Variants in ANKH observed in about 807,000 individuals in gnomAD.
The protein encoded by ANKH is mineralization regulator ANKH.
A neutral mutation model predicts 49.0 loss-of-function variants in ANKH; 15 were observed. The ratio of observed to expected loss-of-function variants is 0.31; its 90% CI spans 0.20 to 0.47. The LOEUF is 0.47. Ranked by LOEUF, ANKH falls within the 20% of genes least tolerant of loss-of-function variation. The pLI is 1.00. For synonymous variants in ANKH, 273 were observed against 260.0 expected (o/e 1.05, Z -0.48); for missense variants, 429 against 652.0 (o/e 0.66, Z 3.72).
At chr5:14,778,815 T>C (rs1164317411) in intron 1 of ANKH, among the ~76,000 whole-genome samples, 1 of 149,070 alleles carries the variant, frequency 6.7e-6, no homozygotes, top group Non-Finnish European at 1.5e-5. Context: ...TAACGGTATT[T>C]GTAGAATTCT....
chr5:14,821,798 A>G (rs182980682), intron 1 of ANKH, among the ~76,000 whole-genome samples: 24 of 152,370 alleles, frequency 1.6e-4, no homozygotes, highest in African/African-American at 5.5e-4. Flanking sequence ...AATGAGCGAA[A>G]AAAAGGAATC....
intron 7 of ANKH, among the ~76,000 whole-genome samples, chr5:14,744,731 TGTG>T (rs1366396517): frequency 2.6e-5 from 4 of 152,172 alleles, no homozygotes; most frequent in Non-Finnish European, 5.9e-5. Context: ...GGCTGTAAGG[TGTG>T]GTGGGGGAGA....
In ANKH at chr5:14,758,558, G is replaced by A. The variant is rs1738977383; in HGVS notation, c.354C>T (p.His118=). Residue 118 remains histidine (H), a synonymous_variant, in exon 3 of 12, where the codon CAC becomes CAT. Coordinates refer to ENST00000284268, the MANE Select transcript of ANKH (RefSeq NM_054027.6). ...TGCTCCCCACCGACTCGTCCACATG[G>A]TGCAGTTTATTGATAATGTAGTATC... The part of the protein sequence containing the change: ...DLGYYIINKL[H]HVDESVGSKT... The A allele has an allele frequency of 1.2e-6, 2 of 1,614,132 alleles. No individual in the cohort carries two copies. The highest frequency in any genetic ancestry group is 1.7e-6 in the Non-Finnish European group (2 of 1,179,986).
intron 1 of ANKH, among the ~76,000 whole-genome samples, chr5:14,790,690 C>G (rs897540173): frequency 2.6e-5 from 4 of 152,236 alleles, no homozygotes; most frequent in Non-Finnish European, 4.4e-5. Flanking sequence ...TCACTGCAAC[C>G]TTCGCTTCCG....
In ANKH at chr5:14,734,712, GT is replaced by G. The variant is rs1580015044; in HGVS notation, c.1011+7114del. Among the ~76,000 whole-genome samples, 4 of 152,344 alleles carry G rather than the reference GT, an allele frequency of 2.6e-5. No individual in the cohort carries two copies. In the South Asian group the frequency reaches 6.2e-4, roughly 24 times the overall value. On this transcript the variant is annotated intron_variant, in intron 8 of 11. Transcript: ENST00000284268. ...TGCAGGCCCAGGGTATAAACAACGT[GT>G]CTTCCCTGTTGCTTTCAAACTCATT...
chr5:14,833,978 G>A (rs1580104436), intron 1 of ANKH, among the ~76,000 whole-genome samples: 2 of 152,148 alleles, frequency 1.3e-5, no homozygotes, highest in Non-Finnish European at 2.9e-5. Flanking sequence ...GGGCTTACGT[G>A]GGGCTCGTGC....
At chr5:14,802,182 C>T (rs1007654843) in intron 1 of ANKH, among the ~76,000 whole-genome samples, 2 of 152,144 alleles carry the variant, frequency 1.3e-5, no homozygotes, top group African/African-American at 4.8e-5. Flanking sequence ...AATCTCAGTG[C>T]GTTCAGAAAT....
intron 1 of ANKH, among the ~76,000 whole-genome samples, chr5:14,788,524 A>G (rs1740051971): frequency 6.6e-6 from 1 of 152,206 alleles, no homozygotes; most frequent in Admixed American, 6.5e-5. Context: ...CACCACACAC[A>G]CTAAGTATAT....
At chr5:14,807,033 G>A (rs1183911322) in intron 1 of ANKH, among the ~76,000 whole-genome samples, 2 of 151,670 alleles carry the variant, frequency 1.3e-5, no homozygotes, top group East Asian at 3.9e-4. Context: ...TCCTGACCAA[G>A]CATTAAACTA....
chr5:14,797,775 G>T (rs1740435495), intron 1 of ANKH: 1 of 1,610,990 alleles, frequency 6.2e-7, no homozygotes, highest in Non-Finnish European at 8.5e-7. Flanking sequence ...CTTTGGAACG[G>T]CACTGATGTC....
Position 14,711,213 on chromosome 5 carries a change from C to G in ANKH, c.1463G>C (p.Arg488Thr), listed in dbSNP as rs773124853. The change falls in exon 12 of 12, where the codon AGA (arginine) becomes ACA (threonine). Residue 488 changes from arginine to threonine, a missense_variant. Physicochemically the swap from Arg to Thr is moderately conservative, Grantham distance 71. Coordinates refer to ENST00000284268, the MANE Select transcript of ANKH (RefSeq NM_054027.6). Reference sequence around the variant, plus strand: ...TCCCGTGCCTTATTCATTCTCCTCTCTCATTTCCACGATGTCTGTCACCTC... The same window carrying G: ...TCCCGTGCCTTATTCATTCTCCTCTGTCATTTCCACGATGTCTGTCACCTC... ...TEEVTDIVEMREENE is the reference protein window; with the variant it reads ...TEEVTDIVEMTEENE The G allele has an allele frequency of 6.2e-7, 1 of 1,614,068 alleles. No individual in the cohort carries two copies. Among genetic ancestry groups the G allele is most frequent in the Non-Finnish European group, 8.5e-7 (1 of 1,180,022 alleles).
intron 1 of ANKH, among the ~76,000 whole-genome samples, chr5:14,822,493 T>A (rs561787176): frequency 6.6e-6 from 1 of 152,202 alleles, no homozygotes; most frequent in Non-Finnish European, 1.5e-5. Flanking sequence ...CAGAATCACA[T>A]AATGACCCTA....
rs761123760 is a variant in ANKH at position 14,868,397 on chromosome 5, CT to C, written c.96+2954del. 569 of 133,352 alleles carry C rather than the reference CT, an allele frequency of 4.3e-3. 1 individual carries two copies. Among genetic ancestry groups the C allele is most frequent in the Middle Eastern group, 0.012 (3 of 256 alleles). 8.3% of individuals were successfully genotyped at this position (133,352 alleles called of 1,614,324 possible). A position where few individuals can be genotyped will look rare whatever the true frequency, so the allele number is the denominator to read the frequency against. On this transcript the variant is annotated intron_variant, in intron 1 of 11. Transcript: ENST00000284268. Reference sequence around the variant, plus strand: ...GGTTTTATTTTTTAATTTTGCATTTCTTTTTTTTTTTTTTTTTAGACGGAGT... The same window carrying C: ...GGTTTTATTTTTTAATTTTGCATTTCTTTTTTTTTTTTTTTTAGACGGAGT...
chr5:14,772,901 C>T (rs1229382400), intron 1 of ANKH, among the ~76,000 whole-genome samples: 3 of 152,244 alleles, frequency 2.0e-5, no homozygotes, highest in Non-Finnish European at 4.4e-5. Flanking sequence ...CACCATAGTT[C>T]CAGTCAGCAC....
At chr5:14,746,404 C>G (rs56253535) in intron 6 of ANKH, among the ~76,000 whole-genome samples, 56 of 151,320 alleles carry the variant, frequency 3.7e-4, no homozygotes, top group South Asian at 1.0e-3. Flanking sequence ...TATAGGAAGT[C>G]GGAGCTGTCT....
intron 1 of ANKH, among the ~76,000 whole-genome samples, chr5:14,830,156 G>T (rs1237664865): frequency 6.6e-6 from 1 of 152,204 alleles, no homozygotes; most frequent in African/African-American, 2.4e-5. Context: ...TACGAAGCAA[G>T]AATTTTTATG....
chr5:14,774,993 C>T (rs1204669056), intron 1 of ANKH, among the ~76,000 whole-genome samples: 2 of 152,100 alleles, frequency 1.3e-5, no homozygotes, highest in Non-Finnish European at 2.9e-5. Context: ...ATGCCTGAAA[C>T]CTCGGATAGT....
intron 1 of ANKH, among the ~76,000 whole-genome samples, chr5:14,775,422 A>C (rs1194468567): frequency 6.6e-6 from 1 of 152,184 alleles, no homozygotes; most frequent in African/African-American, 2.4e-5. Flanking sequence ...ATATACTGTA[A>C]TAAAAGTTAT....
At chr5:14,824,691 C>T (rs1741289893) in intron 1 of ANKH, among the ~76,000 whole-genome samples, 1 of 152,122 alleles carries the variant, frequency 6.6e-6, no homozygotes, top group South Asian at 2.1e-4. Flanking sequence ...TGCTGAGGTC[C>T]CAAGCCCAAA....
Sources: gnomAD v4.1 joint callset for allele counts (sites outside exome capture counted in the v4.1 genomes callset) on GRCh38, gnomAD v4.1.1 for gene constraint, MANE v1.5 for transcripts, NCBI Gene and HGNC (gene_info 2026-07-23, HGNC 2026-07-21) for gene names.